Variants in SLC30A8 observed in about 807,000 individuals in gnomAD.
The protein encoded by SLC30A8 is proton-coupled zinc antiporter SLC30A8.
A neutral mutation model predicts 36.9 loss-of-function variants in SLC30A8; 27 were observed. That is an observed-to-expected ratio of 0.73 (90% CI 0.54 to 1.01). SLC30A8 has a LOEUF of 1.01. Among genes scored for constraint, SLC30A8 ranks in the 50% least tolerant of loss-of-function variants. The pLI, the probability that SLC30A8 is intolerant of heterozygous loss-of-function variation, is 0.00. For missense variants in SLC30A8, 439 were observed against 452.0 expected, an observed-to-expected ratio of 0.97 and a Z score of 0.26; for synonymous variants, 164 against 172.4, an observed-to-expected ratio of 0.95 and a Z score of 0.38.
chr8:117,144,750 C>T (rs560473043), intron 1 of SLC30A8, among the ~76,000 whole-genome samples: 12 of 152,224 alleles, frequency 7.9e-5, no homozygotes, highest in African/African-American at 2.9e-4. Context: ...GTGATGCAAT[C>T]ATCTTATTCA....
chr8:117,055,644 G>C (rs986063932), intron 2 of SLC30A8, among the ~76,000 whole-genome samples: 1 of 152,092 alleles, frequency 6.6e-6, no homozygotes, highest in Non-Finnish European at 1.5e-5. Flanking sequence ...TATATTTCCA[G>C]TTCAGTAGAA....
rs772589300 is a variant in SLC30A8 at position 117,172,563 on chromosome 8, G to A, written c.992G>A (p.Arg331Gln). 2.9e-5 allele frequency: 47 copies of A among 1,613,552 alleles called. No homozygotes were observed. Among genetic ancestry groups the A allele is most frequent in the East Asian group, 8.9e-5 (4 of 44,860 alleles). ...TAASRDSQVVRREIAKALSKS... is the reference protein window; with the variant it reads ...TAASRDSQVVQREIAKALSKS... The stretch of plus-strand genomic sequence containing the variant: ...GCCAGCCGGGACAGCCAAGTGGTTC[G>A]GAGAGAAATTGCTAAAGCCCTTAGC... The change falls in exon 8 of 8, where the codon CGG (arginine) becomes CAG (glutamine). Residue 331 changes from arginine to glutamine, a missense_variant. Physicochemically the swap from Arg to Gln is conservative, Grantham distance 43. Transcript: ENST00000456015.
At chr8:117,115,622 G>T (rs1355837236) in intron 2 of SLC30A8, among the ~76,000 whole-genome samples, 1 of 152,088 alleles carries the variant, frequency 6.6e-6, no homozygotes, top group Non-Finnish European at 1.5e-5. Context: ...GGGTGAGAAA[G>T]TCATATGTCA....
chr8:117,106,469 A>G (rs28526545), intron 2 of SLC30A8, among the ~76,000 whole-genome samples: 4,739 of 152,242 alleles, frequency 0.031, 253 homozygotes, highest in African/African-American at 0.1. Context: ...GATAAATTAG[A>G]TTTTGATTAT....
At chr8:117,137,860 T>C (rs1275218293) in intron 1 of SLC30A8, among the ~76,000 whole-genome samples, 1 of 151,552 alleles carries the variant, frequency 6.6e-6, no homozygotes, top group East Asian at 1.9e-4. Flanking sequence ...ATTCCATGGG[T>C]GAGGCAATAG....
intron 1 of SLC30A8, among the ~76,000 whole-genome samples, chr8:117,002,028 A>G (rs528092717): frequency 6.6e-6 from 1 of 152,322 alleles, no homozygotes; most frequent in South Asian, 2.1e-4. Flanking sequence ...TAACTGCCCA[A>G]GTAAATTCAA....
chr8:117,110,624 ACT>A lies in SLC30A8; in HGVS notation c.-225-24651_-225-24650del, dbSNP rs566296886. ...GGGGATAAAGTGTCCTGAGCCCCAG[ACT>A]CTCTGAGAGGATCAAGGAATGGGCT... On this transcript the variant is annotated intron_variant, in intron 2 of 10. Transcript: ENST00000427715. Among the ~76,000 whole-genome samples, 148 of 152,160 alleles carry A rather than the reference ACT, an allele frequency of 9.7e-4. 1 individual carries two copies. The highest frequency in any genetic ancestry group is 1.8e-3 in the Non-Finnish European group (121 of 67,992).
At chr8:117,134,738 G>A (rs1333498319), upstream of SLC30A8, 3 of 152,138 alleles carry the variant, frequency 2.0e-5, no homozygotes, top group African/African-American at 4.8e-5. Flanking sequence ...ACTGGTTTCA[G>A]AAACTATTGA....
intron 2 of SLC30A8, among the ~76,000 whole-genome samples, chr8:117,097,074 T>G (rs2130844217): frequency 6.6e-6 from 1 of 152,050 alleles, no homozygotes; most frequent in East Asian, 1.9e-4. Flanking sequence ...GGGAGAGAGA[T>G]ATTAAATCAA....
chr8:116,953,779 A>G lies in SLC30A8; in HGVS notation c.-266+2660A>G, dbSNP rs147135686. ...TCTGTTTTCCCCCATTTCAAGTTCT[A>G]TTTATTTCTGATTTAATCAAAGATG... On this transcript the variant is annotated intron_variant, in intron 1 of 10. Transcript: ENST00000427715. Among the ~76,000 whole-genome samples the G allele has an allele frequency of 4.0e-4, 61 of 152,072 alleles. No individual in the cohort carries two copies. The East Asian group carries it at 5.6e-3, about 14-fold the overall frequency.
At chr8:117,158,191 C>T (rs1331590828) in intron 4 of SLC30A8, among the ~76,000 whole-genome samples, 2 of 152,142 alleles carry the variant, frequency 1.3e-5, no homozygotes, top group Admixed American at 6.5e-5. Context: ...TTAAGTAGTA[C>T]AGAGCCAGGA....
intron 2 of SLC30A8, among the ~76,000 whole-genome samples, chr8:117,059,201 G>T (rs571192500): frequency 7.2e-5 from 11 of 152,288 alleles, no homozygotes; most frequent in African/African-American, 2.6e-4. Flanking sequence ...GTTGAAAAAT[G>T]AAAGAGAAAA....
chr8:117,171,205 G>T, intron 7 of SLC30A8, 37 bp downstream of exon 7: 1 of 1,608,708 alleles, frequency 6.2e-7, no homozygotes, highest in Non-Finnish European at 8.5e-7. Flanking sequence ...AAAAAATTCA[G>T]TCCTTGTCCT....
At chr8:117,150,135 G>A (rs941182373) in intron 2 of SLC30A8, among the ~76,000 whole-genome samples, 10 of 152,184 alleles carry the variant, frequency 6.6e-5, no homozygotes, top group African/African-American at 1.2e-4. Context: ...ATTTGAGGAC[G>A]TGTTGTTGTA....
chr8:117,079,855 G>A (rs1051430752), intron 2 of SLC30A8, among the ~76,000 whole-genome samples: 1 of 152,194 alleles, frequency 6.6e-6, no homozygotes, highest in African/African-American at 2.4e-5. Context: ...GTTAAACTGA[G>A]TCAATTCTTT....
At chr8:117,100,666 T>G (rs1220549123) in intron 2 of SLC30A8, among the ~76,000 whole-genome samples, 1 of 152,192 alleles carries the variant, frequency 6.6e-6, no homozygotes, top group Non-Finnish European at 1.5e-5. Flanking sequence ...AATTGTTAAG[T>G]TCATTTCTTC....
intron 2 of SLC30A8, among the ~76,000 whole-genome samples, chr8:117,070,744 A>T (rs551342015): frequency 6.0e-4 from 92 of 152,196 alleles, no homozygotes; most frequent in African/African-American, 2.1e-3. Flanking sequence ...TCCCTCTCTC[A>T]CACTTCCCCA....
At chr8:117,030,850 T>C (rs1175180689) in intron 1 of SLC30A8, among the ~76,000 whole-genome samples, 1 of 152,206 alleles carries the variant, frequency 6.6e-6, no homozygotes, top group African/African-American at 2.4e-5. Context: ...TTGACCTTTA[T>C]TCAGGGGTAT....
intron 2 of SLC30A8, among the ~76,000 whole-genome samples, chr8:117,112,492 G>A (rs1252924826): frequency 6.6e-6 from 1 of 152,124 alleles, no homozygotes. Flanking sequence ...CTCATTGAGT[G>A]TCAAGGTCTG....
Sources: gnomAD v4.1 joint callset for allele counts (sites outside exome capture counted in the v4.1 genomes callset) on GRCh38, gnomAD v4.1.1 for gene constraint, MANE v1.5 for transcripts, NCBI Gene and HGNC (gene_info 2026-07-23, HGNC 2026-07-21) for gene names.